The following FBLN7 variants were observed in gnomAD, a reference collection of about 807,000 sequenced individuals.
FBLN7 encodes the protein fibulin-7.
FBLN7 carries 31 observed loss-of-function variants against 44.0 expected under a neutral mutation model. The observed-to-expected ratio is 0.70, with a 90% CI of 0.53 to 0.95. The LOEUF (loss-of-function observed/expected upper bound fraction) is 0.95, where lower values mean the gene tolerates loss of function less well. Ranked by LOEUF, FBLN7 falls within the 40% of genes least tolerant of loss-of-function variation. FBLN7 has a pLI of 0.00. For missense variants in FBLN7, 573 were observed against 618.5 expected (o/e 0.93, Z 0.78); for synonymous variants, 262 against 253.4 (o/e 1.03, Z -0.32).
At chr2:112,200,407 A>G in the FBLN7 span, among the ~76,000 whole-genome samples, 1 of 152,196 alleles carries the variant, frequency 6.6e-6, no homozygotes, top group Non-Finnish European at 1.5e-5. Context: ...CACTAGCTAC[A>G]TACTTGGCCA....
At chr2:112,222,436 A>T in the FBLN7 span, among the ~76,000 whole-genome samples, 1 of 152,174 alleles carries the variant, frequency 6.6e-6, no homozygotes, top group East Asian at 1.9e-4. Flanking sequence ...TTTCCAGGGC[A>T]AAAGGAGGCT....
intron 1 of FBLN7, among the ~76,000 whole-genome samples, chr2:112,154,186 G>C (rs955866238): frequency 6.6e-6 from 1 of 152,192 alleles, no homozygotes; most frequent in Non-Finnish European, 1.5e-5. Flanking sequence ...TTCACTGCAT[G>C]TCTCCTCTTA....
intron 1 of FBLN7, among the ~76,000 whole-genome samples, chr2:112,157,670 G>A (rs1681501717): frequency 6.6e-6 from 1 of 152,168 alleles, no homozygotes; most frequent in Non-Finnish European, 1.5e-5. Flanking sequence ...TGTCACCAAA[G>A]CTGAGTACAG....
intron 1 of FBLN7, among the ~76,000 whole-genome samples, chr2:112,143,895 T>C (rs1396709026): frequency 2.0e-5 from 3 of 152,214 alleles, no homozygotes; most frequent in African/African-American, 7.2e-5. Context: ...CACAATGTCA[T>C]ATAAATGGAA....
chr2:112,220,169 T>C, the FBLN7 span, among the ~76,000 whole-genome samples: 1 of 152,366 alleles, frequency 6.6e-6, no homozygotes, highest in South Asian at 2.1e-4. Context: ...TATTGATACA[T>C]GCAGATTTGA....
At chr2:112,220,180 T>C in the FBLN7 span, among the ~76,000 whole-genome samples, 1 of 152,220 alleles carries the variant, frequency 6.6e-6, no homozygotes, top group Non-Finnish European at 1.5e-5. Context: ...GCAGATTTGA[T>C]CCTGTCATAA....
At chr2:112,232,008 A>G in the FBLN7 span, 1 of 1,040,190 alleles carries the variant, frequency 9.6e-7, no homozygotes, top group African/African-American at 1.6e-5. Context: ...TTATTAACTT[A>G]ATGACTTTAT....
Position 112,187,876 on chromosome 2 carries a change from C to T in FBLN7, c.*370C>T. ...CAATGTGTGTCAGGTGACTATCAGCCCTTCTGCCTTTTTGTAGCCAGGCTT... is the reference window on the plus strand; with the variant it reads ...CAATGTGTGTCAGGTGACTATCAGCTCTTCTGCCTTTTTGTAGCCAGGCTT... On this transcript the variant is annotated 3_prime_UTR_variant, in exon 8 of 8. Transcript: ENST00000331203. The surrounding 1 kb of genome is among the most constrained non-coding windows in gnomAD (Gnocchi z 5.1). 2 of 360,844 alleles carry T rather than the reference C, an allele frequency of 5.5e-6. No individual in the cohort carries two copies. The highest frequency in any genetic ancestry group is 6.5e-5 in the South Asian group (1 of 15,274). The allele number at this position is 360,844 out of a possible 1,614,324, so 22.4% of individuals were successfully genotyped here.
chr2:112,242,745 A>G, the FBLN7 span, among the ~76,000 whole-genome samples: 3 of 152,074 alleles, frequency 2.0e-5, no homozygotes, highest in Admixed American at 6.5e-5. Flanking sequence ...AACTCACAAG[A>G]GAGTAACAGA....
At chr2:112,202,434 G>A in the FBLN7 span, among the ~76,000 whole-genome samples, 1 of 151,022 alleles carries the variant, frequency 6.6e-6, no homozygotes, top group Non-Finnish European at 1.5e-5. Context: ...AATATATTTA[G>A]AAATATATAT....
the FBLN7 span, chr2:112,233,427 T>A: frequency 8.6e-7 from 1 of 1,164,032 alleles, no homozygotes; most frequent in Non-Finnish European, 1.2e-6. Flanking sequence ...CAAGTCATTA[T>A]GATTTAATTC....
the FBLN7 span, among the ~76,000 whole-genome samples, chr2:112,239,828 G>A: frequency 3.3e-5 from 5 of 152,018 alleles, no homozygotes; most frequent in Non-Finnish European, 5.9e-5. Context: ...CAAGTGATCC[G>A]CCTGCCTCGG....
chr2:112,195,136 C>A, the FBLN7 span, among the ~76,000 whole-genome samples: 1 of 152,172 alleles, frequency 6.6e-6, no homozygotes, highest in East Asian at 1.9e-4. Context: ...ATTGGCCAGA[C>A]CACAGAAATA....
the FBLN7 span, chr2:112,234,352 T>G: frequency 1.4e-6 from 1 of 739,094 alleles, no homozygotes; most frequent in East Asian, 3.0e-5. Context: ...TCTTCTAAAT[T>G]GGCCTTCATA....
chr2:112,237,835 G>C, the FBLN7 span, among the ~76,000 whole-genome samples: 1 of 152,196 alleles, frequency 6.6e-6, no homozygotes, highest in Admixed American at 6.5e-5. Flanking sequence ...CCAAAGTGCT[G>C]GGATTACAGG....
At chr2:112,150,947 G>A (rs145594954) in intron 1 of FBLN7, among the ~76,000 whole-genome samples, 93 of 152,322 alleles carry the variant, frequency 6.1e-4, no homozygotes, top group Non-Finnish European at 1.2e-3. Context: ...CTGCATTGGA[G>A]GGTGGCCACG....
At chr2:112,160,709 C>G (rs942567097) in intron 2 of FBLN7, among the ~76,000 whole-genome samples, 1 of 150,266 alleles carries the variant, frequency 6.7e-6, no homozygotes, top group Non-Finnish European at 1.5e-5. Context: ...CGCACGCACA[C>G]ACACAAGCAC....
intron 1 of FBLN7, among the ~76,000 whole-genome samples, chr2:112,148,412 A>G (rs1206882705): frequency 1.3e-5 from 2 of 152,254 alleles, no homozygotes; most frequent in East Asian, 3.8e-4. Context: ...TATTGATCTG[A>G]GATAAATACC....
intron 2 of FBLN7, among the ~76,000 whole-genome samples, chr2:112,164,685 CAGAG>C (rs1443118202): frequency 1.3e-5 from 2 of 152,230 alleles, no homozygotes; most frequent in African/African-American, 4.8e-5. Context: ...CCCAGAAAAT[CAGAG>C]TGAGTAGGTG....
Sources: allele counts gnomAD v4.1 joint callset (sites outside exome capture counted in the v4.1 genomes callset), GRCh38; gene constraint gnomAD v4.1.1; non-coding constraint Gnocchi (gnomAD v3.1); transcripts MANE v1.5; gene names NCBI Gene and HGNC (gene_info 2026-07-23, HGNC 2026-07-21).